The following OXNAD1 variants were observed in gnomAD, a reference collection of about 807,000 sequenced individuals.
OXNAD1 encodes oxidoreductase NAD-binding domain-containing protein 1.
Under a neutral mutation model 32.9 loss-of-function variants are expected in OXNAD1, and 34 were observed. The observed-to-expected ratio is 1.03, with a 90% CI of 0.79 to 1.38. The LOEUF (loss-of-function observed/expected upper bound fraction) is 1.38, where lower values mean the gene tolerates loss of function less well. Among genes scored for constraint, OXNAD1 ranks in the 40% most tolerant of loss-of-function variants. The pLI is 0.00. For synonymous variants in OXNAD1, 134 were observed against 135.2 expected (o/e 0.99, Z 0.06); for missense variants, 407 against 379.4 (o/e 1.07, Z -0.60).
chr3:16,319,131 C>A (rs746695912), intron 9 of OXNAD1, among the ~76,000 whole-genome samples: 7 of 152,158 alleles, frequency 4.6e-5, no homozygotes, highest in Admixed American at 4.6e-4. Flanking sequence ...GTAAGAGTCT[C>A]TCCTTTTTTT....
rs1430224775 is a variant in OXNAD1, at chr3:16,346,702, GC to G, written c.*31-2473del. On this transcript the variant is annotated intron_variant, in intron 9 of 9. Transcript: ENST00000606098. This position sits in a 1 kb window ranked among gnomAD's most constrained non-coding sequence, Gnocchi z 4.4. ...ATCTCTGTTGTGGGTTTCTGGGAAAGCTTTTACTTGCTAATAAAAAGGGACG... is the reference window on the plus strand; with the variant it reads ...ATCTCTGTTGTGGGTTTCTGGGAAAGTTTTACTTGCTAATAAAAAGGGACG... 6.6e-6 allele frequency among the ~76,000 whole-genome samples: 1 copy of G among 152,186 alleles called. No homozygotes were observed. Among genetic ancestry groups the G allele is most frequent in the Non-Finnish European group, 1.5e-5 (1 of 68,030 alleles).
Position 16,335,432 on chromosome 3 carries a change from T to C in OXNAD1, c.*31-1680T>C, listed in dbSNP as rs2070750735. 6.6e-6 allele frequency among the ~76,000 whole-genome samples: 1 copy of C among 152,232 alleles called. No individual in the cohort carries two copies. Among genetic ancestry groups the C allele is most frequent in the African/African-American group, 2.4e-5 (1 of 41,462 alleles). On this transcript the variant is annotated intron_variant, in intron 9 of 9. Transcript: ENST00000435829. The surrounding 1 kb of genome is among the most constrained non-coding windows in gnomAD (Gnocchi z 4.7). ...ATCCAGTCCATAATGCTATGCAGCCTTAAAAAGGAACGAATCACGTCCTTT... is the reference window on the plus strand; with the variant it reads ...ATCCAGTCCATAATGCTATGCAGCCCTAAAAAGGAACGAATCACGTCCTTT...
intron 4 of OXNAD1, among the ~76,000 whole-genome samples, chr3:16,278,247 C>A (rs1371321572): frequency 6.6e-5 from 10 of 152,194 alleles, no homozygotes. Flanking sequence ...CTTTATGCAC[C>A]TAATTGATTT....
rs575270686 is a variant in OXNAD1, at chr3:16,345,949, G to T, written c.*31-3227G>T. The T allele has an allele frequency of 6.6e-6, 1 of 151,968 alleles. No homozygotes were observed. Among genetic ancestry groups the T allele is most frequent in the Non-Finnish European group, 1.5e-5 (1 of 68,002 alleles). The allele number at this position is 151,968 out of a possible 1,614,324, so 9.4% of individuals were successfully genotyped here. A position where few individuals can be genotyped will look rare whatever the true frequency, so the allele number is the denominator to read the frequency against. ...TGGCATACACTGAATATTTTAAACC[G>T]CATTTGTCACAGGATTTTGAAAACG... On this transcript the variant is annotated intron_variant, in intron 9 of 9. Coordinates refer to the OXNAD1 transcript ENST00000606098. This position sits in a 1 kb window ranked among gnomAD's most constrained non-coding sequence, Gnocchi z 5.2.
intron 5 of OXNAD1, 53 bp downstream of exon 5, chr3:16,286,501 A>G (rs954830020): frequency 7.0e-7 from 1 of 1,424,176 alleles, no homozygotes; most frequent in African/African-American, 1.4e-5. Flanking sequence ...GTGCCATCAG[A>G]TAGAAGGTAT....
Position 16,302,530 on chromosome 3 carries a change from A to G in OXNAD1, c.676-110A>G, listed in dbSNP as rs2067259495. On this transcript the variant is annotated intron_variant, in intron 7 of 8. Transcript: ENST00000285083. The surrounding 1 kb of genome is among the most constrained non-coding windows in gnomAD (Gnocchi z 4.2). ...ACAATATCTCTCTAAGTAGAGAGCG[A>G]GAGCGGCAGACGTGTGCAGAATGGG... The G allele has an allele frequency of 1.4e-6, 1 of 711,360 alleles. No homozygotes were observed. The highest frequency in any genetic ancestry group is 1.8e-5 in the African/African-American group (1 of 56,178). 44.1% of individuals were successfully genotyped at this position (711,360 alleles called of 1,614,324 possible). A position where few individuals can be genotyped will look rare whatever the true frequency, so the allele number is the denominator to read the frequency against.
In OXNAD1 at chr3:16,265,870, G is replaced by C; in HGVS notation, c.-159+365G>C. ...GAACAAATTACTTATGTGAGTACCAGTTTTTTCGTTGTGAAAGAAATGGTG... is the reference window on the plus strand; with the variant it reads ...GAACAAATTACTTATGTGAGTACCACTTTTTTCGTTGTGAAAGAAATGGTG... On this transcript the variant is annotated intron_variant, in intron 1 of 8. Transcript: ENST00000285083. This position sits in a 1 kb window ranked among gnomAD's most constrained non-coding sequence, Gnocchi z 4.8. 1.0e-6 allele frequency: 1 copy of C among 985,328 alleles called. No homozygotes were observed. The highest frequency in any genetic ancestry group is 1.2e-6 in the Non-Finnish European group (1 of 829,846). 61.0% of individuals were successfully genotyped at this position (985,328 alleles called of 1,614,324 possible).
At chr3:16,319,223 A>G (rs1338151904) in intron 9 of OXNAD1, among the ~76,000 whole-genome samples, 1 of 152,184 alleles carries the variant, frequency 6.6e-6, no homozygotes, top group African/African-American at 2.4e-5. Context: ...AGTGAAGCCT[A>G]CCTGTGTAGT....
Position 16,265,291 on chromosome 3 carries a change from G to A in OXNAD1, c.-373G>A. 1 of 206,510 alleles carries A rather than the reference G, an allele frequency of 4.8e-6. No individual in the cohort carries two copies. The highest frequency in any genetic ancestry group is 1.0e-5 in the Non-Finnish European group (1 of 99,600). 12.8% of individuals were successfully genotyped at this position (206,510 alleles called of 1,614,324 possible). On this transcript the variant is annotated 5_prime_UTR_variant, in exon 1 of 9. Coordinates refer to ENST00000285083, the MANE Select transcript of OXNAD1 (RefSeq NM_138381.5). The surrounding 1 kb of genome is among the most constrained non-coding windows in gnomAD (Gnocchi z 4.8). ...GGGGAAAGTTTCCCTGCTTCTTATCGTCTGCTTTAACGCCTTAAATAGCCC... is the reference window on the plus strand; with the variant it reads ...GGGGAAAGTTTCCCTGCTTCTTATCATCTGCTTTAACGCCTTAAATAGCCC...
At chr3:16,331,084 G>A (rs1260359139) in intron 9 of OXNAD1, among the ~76,000 whole-genome samples, 1 of 152,166 alleles carries the variant, frequency 6.6e-6, no homozygotes, top group Non-Finnish European at 1.5e-5. Context: ...CCACTTCTGG[G>A]GTGTTCTCCA....
chr3:16,320,131 T>G lies in OXNAD1; in HGVS notation c.*30+16539T>G, dbSNP rs1162252568. Among the ~76,000 whole-genome samples the G allele has an allele frequency of 6.6e-6, 1 of 152,222 alleles. No homozygotes were observed. The highest frequency in any genetic ancestry group is 1.5e-5 in the Non-Finnish European group (1 of 68,040). On this transcript the variant is annotated intron_variant, in intron 9 of 9. Transcript: ENST00000435829. This position sits in a 1 kb window ranked among gnomAD's most constrained non-coding sequence, Gnocchi z 4.5. Reference sequence around the variant, plus strand: ...TGTCAGCAGGAGCCAATGGATTTAATTTGCACATTTTAAAAACTGCCCATG... The same window carrying G: ...TGTCAGCAGGAGCCAATGGATTTAAGTTGCACATTTTAAAAACTGCCCATG...
rs2071621874 is a variant in OXNAD1, at chr3:16,345,788, C to CTGTGTGTCTCTGTGTGTGTGTGTGTG, written c.*31-3381_*31-3380insCTCTGTGTGTGTGTGTGTGTGTGTGT. Among the ~76,000 whole-genome samples the CTGTGTGTCTCTGTGTGTGTGTGTGTG allele has an allele frequency of 1.6e-5, 2 of 127,174 alleles. No individual in the cohort carries two copies. The highest frequency in any genetic ancestry group is 6.1e-5 in the African/African-American group (2 of 33,030). 83.4% of individuals were successfully genotyped at this position (127,174 alleles called of 152,430 possible). A position where few individuals can be genotyped will look rare whatever the true frequency, so the allele number is the denominator to read the frequency against. ...TGAGCCAAAACCTTATAATAAATCT[C>CTGTGTGTCTCTGTGTGTGTGTGTGTG]TGTGTGTGTGTGTGTGTGTGTGTGT... On this transcript the variant is annotated intron_variant, in intron 9 of 9. Coordinates refer to the OXNAD1 transcript ENST00000606098. The surrounding 1 kb of genome is among the most constrained non-coding windows in gnomAD (Gnocchi z 5.2).
At position 16,302,527 on chromosome 3, in the gene OXNAD1, G is replaced by C; in HGVS notation, c.676-113G>C. The C allele has an allele frequency of 1.4e-6, 1 of 701,492 alleles. No homozygotes were observed. Among genetic ancestry groups the C allele is most frequent in the Non-Finnish European group, 2.5e-6 (1 of 400,592 alleles). 43.5% of individuals were successfully genotyped at this position (701,492 alleles called of 1,614,324 possible). A position where few individuals can be genotyped will look rare whatever the true frequency, so the allele number is the denominator to read the frequency against. ...CAAACAATATCTCTCTAAGTAGAGAGCGAGAGCGGCAGACGTGTGCAGAAT... is the reference window on the plus strand; with the variant it reads ...CAAACAATATCTCTCTAAGTAGAGACCGAGAGCGGCAGACGTGTGCAGAAT... On this transcript the variant is annotated intron_variant, in intron 7 of 8. Coordinates refer to ENST00000285083, the MANE Select transcript of OXNAD1 (RefSeq NM_138381.5). The surrounding 1 kb of genome is among the most constrained non-coding windows in gnomAD (Gnocchi z 4.2).
Position 16,303,666 on chromosome 3 carries a change from A to G in OXNAD1, c.*104A>G. 1 of 1,262,118 alleles carries G rather than the reference A, an allele frequency of 7.9e-7. No homozygotes were observed. Among genetic ancestry groups the G allele is most frequent in the African/African-American group, 1.5e-5 (1 of 65,564 alleles). 78.2% of individuals were successfully genotyped at this position (1,262,118 alleles called of 1,614,324 possible). A position where few individuals can be genotyped will look rare whatever the true frequency, so the allele number is the denominator to read the frequency against. On this transcript the variant is annotated 3_prime_UTR_variant, in exon 9 of 9. Coordinates refer to ENST00000285083, the MANE Select transcript of OXNAD1 (RefSeq NM_138381.5). The surrounding 1 kb of genome is among the most constrained non-coding windows in gnomAD (Gnocchi z 4.8). Reference sequence around the variant, plus strand: ...TTTTTATCTCTACTTGAGTTGTCTTATTTTTTAAGGCTATAAACTTAGTGA... The same window carrying G: ...TTTTTATCTCTACTTGAGTTGTCTTGTTTTTTAAGGCTATAAACTTAGTGA...
At chr3:16,306,754 T>C (rs944908370), downstream of OXNAD1, among the ~76,000 whole-genome samples, 5 of 152,322 alleles carry the variant, frequency 3.3e-5, no homozygotes, top group African/African-American at 1.2e-4. Flanking sequence ...ATTTAGAACT[T>C]GTTTATATTC....
In OXNAD1 at chr3:16,322,072, G is replaced by A. The variant is rs1269792964; in HGVS notation, c.*31-15040G>A. 1.3e-5 allele frequency among the ~76,000 whole-genome samples: 2 copies of A among 152,220 alleles called. No homozygotes were observed. Among genetic ancestry groups the A allele is most frequent in the Non-Finnish European group, 2.9e-5 (2 of 68,044 alleles). Reference sequence around the variant, plus strand: ...GCCCTTTGCGTGCTGTGTGTTGAATGTTGCACTTGCTGAATGCATGCAGTT... The same window carrying A: ...GCCCTTTGCGTGCTGTGTGTTGAATATTGCACTTGCTGAATGCATGCAGTT... On this transcript the variant is annotated intron_variant, in intron 9 of 9. Transcript: ENST00000435829. This position sits in a 1 kb window ranked among gnomAD's most constrained non-coding sequence, Gnocchi z 6.2.
At position 16,345,855 on chromosome 3, in the gene OXNAD1, T is replaced by TGTGTGTGTGTGTGC. The variant is rs1559843974; in HGVS notation, c.*31-3321_*31-3320insGTGTGTGTGTGTGC. ...GCGCGCACGCGCACATGTGCATGTG[T>TGTGTGTGTGTGTGC]ATGTGTATAATCTCCTACTGGTTCT... is the stretch of plus-strand genomic sequence containing the variant. On this transcript the variant is annotated intron_variant, in intron 9 of 9. Transcript: ENST00000606098. This position sits in a 1 kb window ranked among gnomAD's most constrained non-coding sequence, Gnocchi z 5.2. 6.5e-5 allele frequency among the ~76,000 whole-genome samples: 4 copies of TGTGTGTGTGTGTGC among 61,734 alleles called. No homozygotes were observed. Among genetic ancestry groups the TGTGTGTGTGTGTGC allele is most frequent in the Non-Finnish European group, 1.2e-4 (4 of 33,512 alleles). 40.5% of individuals were successfully genotyped at this position (61,734 alleles called of 152,430 possible). A position where few individuals can be genotyped will look rare whatever the true frequency, so the allele number is the denominator to read the frequency against.
At chr3:16,268,568 C>T (rs1158331262) in intron 1 of OXNAD1, among the ~76,000 whole-genome samples, 1 of 151,676 alleles carries the variant, frequency 6.6e-6, no homozygotes, top group Admixed American at 6.6e-5. Flanking sequence ...TGACCTCAGG[C>T]GATCTACCCA....
chr3:16,288,319 G>A lies in OXNAD1; in HGVS notation c.290+1871G>A, dbSNP rs1468624303. On this transcript the variant is annotated intron_variant, in intron 5 of 8. Coordinates refer to ENST00000285083, the MANE Select transcript of OXNAD1 (RefSeq NM_138381.5). The surrounding 1 kb of genome is among the most constrained non-coding windows in gnomAD (Gnocchi z 5.1). ...GTGTAGGTAGGATTATCAGACTGGA[G>A]AGCTGCTAGAAATCAAGGAGAGGGT... Among the ~76,000 whole-genome samples the A allele has an allele frequency of 6.6e-6, 1 of 152,176 alleles. No individual in the cohort carries two copies. The highest frequency in any genetic ancestry group is 1.9e-4 in the East Asian group (1 of 5,186).
Sources: gnomAD v4.1 joint callset for allele counts (sites outside exome capture counted in the v4.1 genomes callset) on GRCh38, gnomAD v4.1.1 for gene constraint, Gnocchi (gnomAD v3.1) non-coding constraint, MANE v1.5 for transcripts, NCBI Gene and HGNC (gene_info 2026-07-23, HGNC 2026-07-21) for gene names.